MARCHF8: variants seen among roughly 807,000 people sequenced by gnomAD.
MARCHF8 encodes E3 ubiquitin-protein ligase MARCHF8.
A neutral mutation model predicts 51.6 loss-of-function variants in MARCHF8; 40 were observed. The observed-to-expected ratio is 0.77, with a 90% confidence interval of 0.60 to 1.01. MARCHF8 has a LOEUF of 1.01. MARCHF8 is among the 50% of genes least tolerant of loss of function. MARCHF8 has a pLI of 0.00. For missense variants in MARCHF8, 685 were observed against 708.6 expected, an observed-to-expected ratio of 0.97 and a Z score of 0.38; for synonymous variants, 263 against 280.3, an observed-to-expected ratio of 0.94 and a Z score of 0.62.
chr10:45,487,601 A>G (rs71494792), intron 3 of MARCHF8, among the ~76,000 whole-genome samples: 9,382 of 152,306 alleles, frequency 0.062, 331 homozygotes, highest in Non-Finnish European at 0.067. Context: ...ATTCCTGGCC[A>G]AAGGGACAGC....
At chr10:45,470,582 C>A (rs1312634798) in intron 3 of MARCHF8, among the ~76,000 whole-genome samples, 1 of 152,170 alleles carries the variant, frequency 6.6e-6, no homozygotes, top group Non-Finnish European at 1.5e-5. Flanking sequence ...GTAATAATAG[C>A]AATGCATTCC....
rs1842640015 is a variant in MARCHF8, at chr10:45,457,492, A to G, written c.*747T>C. On this transcript the variant is annotated 3_prime_UTR_variant, in exon 8 of 8. Transcript: ENST00000453424. ...AGTCATGAGTCTGTTTTATGAACAG[A>G]AAGAATGCCACGCTTCTTAGCATAT... 6.6e-6 allele frequency: 1 copy of G among 152,626 alleles called. No individual in the cohort carries two copies. The highest frequency in any genetic ancestry group is 1.5e-5 in the Non-Finnish European group (1 of 68,046). 9.5% of individuals were successfully genotyped at this position (152,626 alleles called of 1,614,324 possible).
At position 45,489,417 on chromosome 10, in the gene MARCHF8, T is replaced by C; in HGVS notation, c.103A>G (p.Asn35Asp). 1 of 1,611,580 alleles carries C rather than the reference T, an allele frequency of 6.2e-7. No homozygotes were observed. The highest frequency in any genetic ancestry group is 8.5e-7 in the Non-Finnish European group (1 of 1,178,864). The change falls in exon 3 of 8, where the codon AAT (asparagine) becomes GAT (aspartate). Residue 35 changes from asparagine to aspartate, a missense_variant and splice_region_variant. Asn to Asp is a conservative substitution (Grantham distance 23). Transcript: ENST00000453424. The part of the protein sequence containing the change: ...KTKEKEREEQ[N>D]EKTLGHFMSH... ...ATGAAATGTCCCAAAGTCTTCTCAT[T>C]CTGCAAGAAAATCAAACAGGTTTTA...
At chr10:45,557,682 C>T (rs1405433445) in intron 1 of MARCHF8, among the ~76,000 whole-genome samples, 9 of 152,136 alleles carry the variant, frequency 5.9e-5, no homozygotes, top group East Asian at 1.9e-4. Context: ...TTCAGGGTCA[C>T]TCTAAACGGA....
At chr10:45,459,926 A>G (rs1842733213) in intron 6 of MARCHF8, 7 of 980,382 alleles carry the variant, frequency 7.1e-6, no homozygotes, top group Non-Finnish European at 7.3e-6. Flanking sequence ...AGAAAGAACA[A>G]TGTGTAAACA....
intron 1 of MARCHF8, among the ~76,000 whole-genome samples, chr10:45,549,054 T>C (rs182095847): frequency 6.6e-5 from 10 of 151,018 alleles, no homozygotes; most frequent in African/African-American, 2.4e-4. Context: ...CTACAAGAGC[T>C]CTTCAGTGCT....
At chr10:45,534,582 T>G (rs1471118182) in intron 1 of MARCHF8, among the ~76,000 whole-genome samples, 1 of 152,218 alleles carries the variant, frequency 6.6e-6, no homozygotes, top group Non-Finnish European at 1.5e-5. Flanking sequence ...CCAGAAGGTT[T>G]AATGTAGTAA....
chr10:45,554,832 A>G (rs1480641854), intron 1 of MARCHF8, among the ~76,000 whole-genome samples: 3 of 152,214 alleles, frequency 2.0e-5, no homozygotes, highest in African/African-American at 4.8e-5. Flanking sequence ...AGACTAGCGG[A>G]TTGCCTGAGG....
intron 1 of MARCHF8, among the ~76,000 whole-genome samples, chr10:45,584,281 T>C (rs1002544016): frequency 3.3e-5 from 5 of 151,156 alleles, no homozygotes; most frequent in Non-Finnish European, 7.4e-5. Context: ...ACAGTAGTTA[T>C]TAAAACTCAA....
chr10:45,544,510 T>C (rs2044096642), intron 1 of MARCHF8, among the ~76,000 whole-genome samples: 2 of 152,234 alleles, frequency 1.3e-5, no homozygotes, highest in African/African-American at 4.8e-5. Flanking sequence ...ATGTGGCTTA[T>C]CTATACAATG....
chr10:45,468,443 C>A (rs1319030603), intron 3 of MARCHF8, among the ~76,000 whole-genome samples: 1 of 152,218 alleles, frequency 6.6e-6, no homozygotes, highest in Non-Finnish European at 1.5e-5. Context: ...TTCTGTGCAA[C>A]CCCCAACTGG....
At chr10:45,534,122 G>T (rs543326196) in intron 1 of MARCHF8, among the ~76,000 whole-genome samples, 1 of 151,970 alleles carries the variant, frequency 6.6e-6, no homozygotes, top group Non-Finnish European at 1.5e-5. Context: ...GGCGGAGCTC[G>T]CAGTGAGCCA....
At chr10:45,471,045 C>G (rs1053134828) in intron 3 of MARCHF8, among the ~76,000 whole-genome samples, 8 of 152,128 alleles carry the variant, frequency 5.3e-5, no homozygotes, top group African/African-American at 2.4e-5. Context: ...CAAGCTTTCA[C>G]AAAGGCAATT....
In MARCHF8 at chr10:45,482,071, C is replaced by T. The variant is rs2133048278; in HGVS notation, c.153+7296G>A. The stretch of plus-strand genomic sequence containing the variant: ...AAAAAGGCAATCCCATTTACAATAG[C>T]TATACAAAATAAAATACCTAGAAAT... On this transcript the variant is annotated intron_variant, in intron 3 of 7. Transcript: ENST00000453424. 1.3e-5 allele frequency among the ~76,000 whole-genome samples: 2 copies of T among 152,114 alleles called. 1 individual carries two copies. The highest frequency in any genetic ancestry group is 6.8e-3 in the Middle Eastern group (2 of 294).
At chr10:45,489,291 A>G (rs2043040302) in intron 3 of MARCHF8, 76 bp downstream of exon 3, 2 of 1,108,378 alleles carry the variant, frequency 1.8e-6, no homozygotes, top group Non-Finnish European at 2.7e-6. Flanking sequence ...AAAAAAAAAA[A>G]GAGTATAAAC....
chr10:45,472,241 TATC>T (rs1015437841), intron 3 of MARCHF8, among the ~76,000 whole-genome samples: 69 of 152,334 alleles, frequency 4.5e-4, no homozygotes, highest in African/African-American at 1.6e-3. Flanking sequence ...TCATCCCTGT[TATC>T]ATATCCTTGT....
At chr10:45,527,045 T>G (rs1162709920) in intron 2 of MARCHF8, among the ~76,000 whole-genome samples, 1 of 152,122 alleles carries the variant, frequency 6.6e-6, no homozygotes, top group Non-Finnish European at 1.5e-5. Context: ...GAAATTAAGA[T>G]GGAAGTTTAA....
At chr10:45,583,631 G>T (rs1246885134) in intron 1 of MARCHF8, among the ~76,000 whole-genome samples, 7 of 152,116 alleles carry the variant, frequency 4.6e-5, no homozygotes, top group Admixed American at 4.6e-4. Context: ...ATGCGGATCT[G>T]TATGTATTGA....
intron 2 of MARCHF8, among the ~76,000 whole-genome samples, chr10:45,500,849 T>G (rs569856978): frequency 6.6e-6 from 1 of 151,802 alleles, no homozygotes; most frequent in African/African-American, 2.4e-5. Context: ...CATACAAAAA[T>G]TAACTGCATT....
Sources: allele counts gnomAD v4.1 joint callset (sites outside exome capture counted in the v4.1 genomes callset), GRCh38; gene constraint gnomAD v4.1.1; transcripts MANE v1.5; gene names NCBI Gene and HGNC (gene_info 2026-07-23, HGNC 2026-07-21).